Variants in PRICKLE2 observed in about 807,000 individuals in gnomAD.
The protein encoded by PRICKLE2 is prickle-like protein 2.
PRICKLE2 carries 21 observed loss-of-function variants against 81.4 expected under a neutral mutation model. That is an observed-to-expected ratio of 0.26 (90% CI 0.18 to 0.37). The LOEUF is 0.37. PRICKLE2 is among the 10% of genes least tolerant of loss of function. PRICKLE2 has a pLI of 1.00. For missense variants in PRICKLE2, 940 were observed against 1,109.0 expected, an observed-to-expected ratio of 0.85 and a Z score of 2.16; for synonymous variants, 456 against 421.5, an observed-to-expected ratio of 1.08 and a Z score of -1.00.
In PRICKLE2 at chr3:64,185,031, C is replaced by T. The variant is rs538450239; in HGVS notation, c.144+13753G>A. 6.6e-5 allele frequency among the ~76,000 whole-genome samples: 10 copies of T among 152,254 alleles called. No individual in the cohort carries two copies. In the East Asian group the frequency reaches 1.7e-3, roughly 26 times the overall value. ...AGGCTATGATTCTTGCAATAACTTA[C>T]ATAATGATGGAAGAGAAAGGAGACT... On this transcript the variant is annotated intron_variant, in intron 2 of 7. Transcript: ENST00000638394.
intron 6 of PRICKLE2, among the ~76,000 whole-genome samples, chr3:64,150,272 ACT>A (rs1160277222): frequency 4.0e-5 from 6 of 151,372 alleles, no homozygotes; most frequent in Non-Finnish European, 8.8e-5. Flanking sequence ...TCAAATCTTG[ACT>A]CTGCTGCATT....
At chr3:64,220,260 G>A (rs1327254581) in intron 1 of PRICKLE2, among the ~76,000 whole-genome samples, 2 of 152,192 alleles carry the variant, frequency 1.3e-5, no homozygotes, top group Non-Finnish European at 2.9e-5. Context: ...GAAATGAAAT[G>A]CTAAGAATTT....
rs928305325 is a variant in PRICKLE2 at position 64,093,947 on chromosome 3, C to G, written c.*5104G>C. The G allele has an allele frequency of 6.6e-6, 1 of 152,602 alleles. No homozygotes were observed. Among genetic ancestry groups the G allele is most frequent in the Non-Finnish European group, 1.5e-5 (1 of 68,042 alleles). 9.5% of individuals were successfully genotyped at this position (152,602 alleles called of 1,614,324 possible). A position where few individuals can be genotyped will look rare whatever the true frequency, so the allele number is the denominator to read the frequency against. On this transcript the variant is annotated 3_prime_UTR_variant, in exon 8 of 8. Transcript: ENST00000638394. ...AACATCATATCCATTTTACAGGGCA[C>G]GGATCTCAAGCAAAGTGTTCAGAAC...
chr3:64,141,987 CT>C, intron 7 of PRICKLE2: 1 of 966,054 alleles, frequency 1.0e-6, no homozygotes, highest in Non-Finnish European at 1.2e-6. Flanking sequence ...GTTTAGAATG[CT>C]ATTAAAAAAA....
At chr3:64,224,787 TG>T in intron 1 of PRICKLE2, 122 bp downstream of exon 1, 2 of 454,816 alleles carry the variant, frequency 4.4e-6, no homozygotes, top group Non-Finnish European at 5.8e-6. Context: ...AAATGCTACC[TG>T]GCCAAGAAAA....
chr3:64,238,993 C>T (rs1353571260), intron 2 of PRICKLE2, among the ~76,000 whole-genome samples: 1 of 151,862 alleles, frequency 6.6e-6, no homozygotes, highest in East Asian at 1.9e-4. Context: ...CCTGTTTATT[C>T]TTCTAGCTCC....
chr3:64,106,615 C>A (rs146269468), intron 7 of PRICKLE2, among the ~76,000 whole-genome samples: 190 of 152,348 alleles, frequency 1.2e-3, no homozygotes, highest in African/African-American at 4.4e-3. Flanking sequence ...CGAAGCTCAA[C>A]TCTTCACTCC....
chr3:64,130,379 G>A lies in PRICKLE2; in HGVS notation c.1660+16451C>T, dbSNP rs535212911. Among the ~76,000 whole-genome samples, 313 of 152,204 alleles carry A rather than the reference G, an allele frequency of 2.1e-3. 1 individual carries two copies. Among genetic ancestry groups the A allele is most frequent in the African/African-American group, 7.1e-3 (296 of 41,506 alleles). Reference sequence around the variant, plus strand: ...TTCAGAGTTTAGATAACTTGCCCGCGGCCACAGAGCCAGTAATGGACAGAG... The same window carrying A: ...TTCAGAGTTTAGATAACTTGCCCGCAGCCACAGAGCCAGTAATGGACAGAG... On this transcript the variant is annotated intron_variant, in intron 7 of 7. Transcript: ENST00000638394.
intron 2 of PRICKLE2, among the ~76,000 whole-genome samples, chr3:64,253,402 C>T (rs1338304960): frequency 6.6e-6 from 1 of 152,118 alleles, no homozygotes; most frequent in African/African-American, 2.4e-5. Context: ...GTTCAGACAC[C>T]TACCTCTGCC....
chr3:64,157,935 C>T (rs767308082), intron 4 of PRICKLE2, among the ~76,000 whole-genome samples: 4 of 152,236 alleles, frequency 2.6e-5, no homozygotes, highest in African/African-American at 4.8e-5. Flanking sequence ...TTGATTGACA[C>T]GGCACCACTT....
chr3:64,239,655 C>T (rs75343615), intron 2 of PRICKLE2, among the ~76,000 whole-genome samples: 3,477 of 152,258 alleles, frequency 0.023, 92 homozygotes, highest in East Asian at 0.096. Context: ...ACTGCAGACA[C>T]AAATCTAATT....
chr3:64,251,265 T>A (rs1575715521), intron 2 of PRICKLE2, among the ~76,000 whole-genome samples: 1 of 152,282 alleles, frequency 6.6e-6, no homozygotes, highest in South Asian at 2.1e-4. Context: ...CCGCTCCAGG[T>A]AGTCCCTGCT....
chr3:64,225,186 A>C lies in PRICKLE2; in HGVS notation c.-317T>G. 4 of 985,396 alleles carry C rather than the reference A, an allele frequency of 4.1e-6. No homozygotes were observed. Among genetic ancestry groups the C allele is most frequent in the Non-Finnish European group, 4.8e-6 (4 of 829,962 alleles). 61.0% of individuals were successfully genotyped at this position (985,396 alleles called of 1,614,324 possible). A position where few individuals can be genotyped will look rare whatever the true frequency, so the allele number is the denominator to read the frequency against. On this transcript the variant is annotated 5_prime_UTR_variant, in exon 1 of 8. Transcript: ENST00000638394. The stretch of plus-strand genomic sequence containing the variant: ...GGGAATTCACCAAGCAAGAGAAAAA[A>C]AGTATGACTTCTACTCTTCCTCTAG...
intron 2 of PRICKLE2, among the ~76,000 whole-genome samples, chr3:64,167,773 C>T: frequency 6.6e-6 from 1 of 152,148 alleles, no homozygotes; most frequent in East Asian, 1.9e-4. Context: ...AGCACTGGTT[C>T]TCAAACTATA....
At chr3:64,187,261 C>G (rs779086643) in intron 2 of PRICKLE2, among the ~76,000 whole-genome samples, 4 of 152,244 alleles carry the variant, frequency 2.6e-5, no homozygotes, top group African/African-American at 9.6e-5. Context: ...GCTGCACACA[C>G]AGGCATATTT....
In PRICKLE2 at chr3:64,162,731, G is replaced by T. The variant is rs547608825; in HGVS notation, c.258+285C>A. ...CATATTCTTCAAGTAAGAAAACTTG[G>T]AATCATAGCTTTTGAATTTTAGTGC... On this transcript the variant is annotated intron_variant, in intron 3 of 7. Transcript: ENST00000638394. 2.6e-5 allele frequency among the ~76,000 whole-genome samples: 4 copies of T among 152,282 alleles called. No homozygotes were observed. The East Asian group carries it at 7.7e-4, about 29-fold the overall frequency.
intron 1 of PRICKLE2, among the ~76,000 whole-genome samples, chr3:64,204,834 T>A (rs998139929): frequency 6.6e-6 from 1 of 152,044 alleles, no homozygotes; most frequent in Non-Finnish European, 1.5e-5. Flanking sequence ...ATAACCTCCA[T>A]GTATAAATTG....
At chr3:64,123,670 C>A (rs983914700) in intron 7 of PRICKLE2, among the ~76,000 whole-genome samples, 1 of 152,114 alleles carries the variant, frequency 6.6e-6, no homozygotes, top group African/African-American at 2.4e-5. Context: ...ATTATTATAT[C>A]TATTATGGTC....
At chr3:64,140,727 T>C (rs948465298) in intron 7 of PRICKLE2, among the ~76,000 whole-genome samples, 3 of 152,184 alleles carry the variant, frequency 2.0e-5, no homozygotes, top group Non-Finnish European at 2.9e-5. Flanking sequence ...CATCTCTGCT[T>C]GTCTGCCTTG....
Sources: gnomAD v4.1 joint callset for allele counts (sites outside exome capture counted in the v4.1 genomes callset) on GRCh38, gnomAD v4.1.1 for gene constraint, MANE v1.5 for transcripts, NCBI Gene and HGNC (gene_info 2026-07-23, HGNC 2026-07-21) for gene names.